Variants in SUSD3 observed in about 807,000 individuals in gnomAD.
The protein encoded by SUSD3 is sushi domain-containing protein 3.
A neutral mutation model predicts 20.6 loss-of-function variants in SUSD3; 18 were observed. That is an observed-to-expected ratio of 0.87 (90% CI 0.60 to 1.30). The LOEUF is 1.30. Among genes scored for constraint, SUSD3 ranks in the 50% most tolerant of loss-of-function variants. The probability of loss-of-function intolerance (pLI) is 0.00; values close to 1 mark genes in which losing one functional copy is unlikely to be tolerated. For missense variants in SUSD3, 306 were observed against 346.9 expected, an observed-to-expected ratio of 0.88 and a Z score of 0.94; for synonymous variants, 137 against 141.5, an observed-to-expected ratio of 0.97 and a Z score of 0.23.
At chr9:93,071,162 G>A (rs1222064679) in intron 1 of SUSD3, among the ~76,000 whole-genome samples, 1 of 152,194 alleles carries the variant, frequency 6.6e-6, no homozygotes, top group East Asian at 1.9e-4. Context: ...TCTCTAGAGG[G>A]ACTGGACTAA....
At chr9:93,066,800 C>G (rs557712687) in intron 1 of SUSD3, among the ~76,000 whole-genome samples, 1 of 151,960 alleles carries the variant, frequency 6.6e-6, no homozygotes, top group Non-Finnish European at 1.5e-5. Context: ...CCTCCGCCTC[C>G]CGGGTTCAAG....
At position 93,058,751 on chromosome 9, in the gene SUSD3, G is replaced by C; in HGVS notation, c.9G>C (p.Trp3Cys). ...GCCTCGGAGCGCGCAGGATGCGCTG[G>C]GCGGCCGCCACCCTCCGTGGCAAGG... The part of the protein sequence containing the change: MR[W>C]AAATLRGKAR... Residue 3 changes from tryptophan (W) to cysteine (C), a missense_variant, in exon 1 of 5, where the codon TGG (tryptophan) becomes TGC (cysteine). Physicochemically the swap from Trp to Cys is radical, Grantham distance 215. Coordinates refer to ENST00000375472, the MANE Select transcript of SUSD3 (RefSeq NM_145006.4). 1 of 1,235,986 alleles carries C rather than the reference G, an allele frequency of 8.1e-7. No homozygotes were observed. Among genetic ancestry groups the C allele is most frequent in the Non-Finnish European group, 1.0e-6 (1 of 989,736 alleles). 76.6% of individuals were successfully genotyped at this position (1,235,986 alleles called of 1,614,324 possible). A position where few individuals can be genotyped will look rare whatever the true frequency, so the allele number is the denominator to read the frequency against.
At chr9:93,058,945 G>C (rs1381723444) in intron 1 of SUSD3, 115 bp downstream of exon 1, 3 of 567,680 alleles carry the variant, frequency 5.3e-6, no homozygotes, top group African/African-American at 3.9e-5. Context: ...CCACAGCAAC[G>C]ATCTGCCCCG....
intron 2 of SUSD3, 70 bp from the exon 3 acceptor site, chr9:93,077,776 A>G: frequency 6.3e-7 from 1 of 1,580,296 alleles, no homozygotes; most frequent in Non-Finnish European, 8.6e-7. Flanking sequence ...CACCCCTGAG[A>G]CCCCCAACCC....
At chr9:93,074,616 CTTTTTT>C (rs989411910) in intron 1 of SUSD3, among the ~76,000 whole-genome samples, 1 of 96,368 alleles carries the variant, frequency 1.0e-5, no homozygotes, top group African/African-American at 4.6e-5. Context: ...GCAGCAGATT[CTTTTTT>C]TTTTTTTTTT....
At chr9:93,079,441 C>CA in intron 3 of SUSD3, 30 bp from the exon 4 acceptor site, 1 of 1,611,768 alleles carries the variant, frequency 6.2e-7, no homozygotes, top group Non-Finnish European at 8.5e-7. Context: ...CCTGCATGCT[C>CA]AGAGTCCTTC....
At chr9:93,066,074 A>G (rs1199022408) in intron 1 of SUSD3, among the ~76,000 whole-genome samples, 2 of 151,882 alleles carry the variant, frequency 1.3e-5, no homozygotes, top group Non-Finnish European at 2.9e-5. Flanking sequence ...CCTGCCCACC[A>G]TGCCCTCCAT....
At chr9:93,058,978 C>T in intron 1 of SUSD3, 148 bp downstream of exon 1, 1 of 460,708 alleles carries the variant, frequency 2.2e-6, no homozygotes. Flanking sequence ...CTCGACCCTC[C>T]GCCGGCCCAG....
intron 2 of SUSD3, 68 bp from the exon 3 acceptor site, chr9:93,077,778 C>T (rs1359970882): frequency 1.9e-6 from 3 of 1,590,418 alleles, no homozygotes; most frequent in Non-Finnish European, 2.6e-6. Flanking sequence ...CCCCTGAGAC[C>T]CCCAACCCCT....
In SUSD3 at chr9:93,075,307, C is replaced by T. The variant is rs144914013; in HGVS notation, c.89-477C>T. Among the ~76,000 whole-genome samples, 769 of 152,092 alleles carry T rather than the reference C, an allele frequency of 5.1e-3. 1 individual carries two copies. Among genetic ancestry groups the T allele is most frequent in the Non-Finnish European group, 8.3e-3 (564 of 67,978 alleles). On this transcript the variant is annotated intron_variant, in intron 1 of 4. Coordinates refer to ENST00000375472, the MANE Select transcript of SUSD3 (RefSeq NM_145006.4). ...CCTATGCTTTCCAAATATCCTTTCC[C>T]GAATTTTTCACCTGAGTTGGTTGTT... is the stretch of plus-strand genomic sequence containing the variant.
intron 1 of SUSD3, among the ~76,000 whole-genome samples, chr9:93,062,650 AGATG>A: frequency 6.6e-6 from 1 of 152,236 alleles, no homozygotes; most frequent in South Asian, 2.1e-4. Context: ...GACAGGGGAC[AGATG>A]GGATCTGCCT....
chr9:93,082,560 G>A (rs1237665212), intron 4 of SUSD3, among the ~76,000 whole-genome samples: 1 of 152,074 alleles, frequency 6.6e-6, no homozygotes, highest in Non-Finnish European at 1.5e-5. Flanking sequence ...CTCGTGATCT[G>A]CCCACCTCGG....
intron 4 of SUSD3, among the ~76,000 whole-genome samples, chr9:93,084,288 C>A (rs1319964402): frequency 6.6e-6 from 1 of 152,116 alleles, no homozygotes; most frequent in Non-Finnish European, 1.5e-5. Flanking sequence ...AAGTGTCTGA[C>A]TCCTGGGCCA....
chr9:93,068,725 G>C (rs1825808072), intron 1 of SUSD3, among the ~76,000 whole-genome samples: 1 of 152,190 alleles, frequency 6.6e-6, no homozygotes, highest in Non-Finnish European at 1.5e-5. Flanking sequence ...TTCTGATAGA[G>C]ATTTTGTTGA....
chr9:93,075,748 C>CCCCCCCCCCCCCCCCCCCT (rs1554748843), intron 1 of SUSD3, 36 bp from the exon 2 acceptor site: 1 of 202,414 alleles, frequency 4.9e-6, no homozygotes, highest in Non-Finnish European at 9.9e-6. Flanking sequence ...CCACCCCCCC[C>CCCCCCCCCCCCCCCCCCCT]CCCCCGCCAT....
At position 93,079,454 on chromosome 9, in the gene SUSD3, C is replaced by T; in HGVS notation, c.426-17C>T. On this transcript the variant is annotated splice_polypyrimidine_tract_variant and intron_variant, in intron 3 of 4. Coordinates refer to ENST00000375472, the MANE Select transcript of SUSD3 (RefSeq NM_145006.4). ...CACCTGCATGCTCAGAGTCCTTCCT[C>T]CCAAACTCTCCTCCAGGTCAGCCCA... 6.2e-7 allele frequency: 1 copy of T among 1,613,278 alleles called. No individual in the cohort carries two copies. Among genetic ancestry groups the T allele is most frequent in the Non-Finnish European group, 8.5e-7 (1 of 1,179,488 alleles).
chr9:93,077,649 A>T (rs1466145719), intron 2 of SUSD3, among the ~76,000 whole-genome samples, 197 bp from the exon 3 acceptor site: 3 of 151,942 alleles, frequency 2.0e-5, no homozygotes, highest in Non-Finnish European at 2.9e-5. Context: ...CCCACCTCCA[A>T]ATATAGTTTG....
At chr9:93,070,073 C>G (rs1825854872) in intron 1 of SUSD3, among the ~76,000 whole-genome samples, 1 of 152,218 alleles carries the variant, frequency 6.6e-6, no homozygotes, top group African/African-American at 2.4e-5. Context: ...GCCACCATGC[C>G]TGGCCGAGCC....
intron 1 of SUSD3, among the ~76,000 whole-genome samples, chr9:93,073,153 G>A (rs1825977605): frequency 6.6e-6 from 1 of 152,104 alleles, no homozygotes; most frequent in Non-Finnish European, 1.5e-5. Context: ...GACAGGCACA[G>A]AGATGCTCAG....
Sources: gnomAD v4.1 joint callset for allele counts (sites outside exome capture counted in the v4.1 genomes callset) on GRCh38, gnomAD v4.1.1 for gene constraint, MANE v1.5 for transcripts, NCBI Gene and HGNC (gene_info 2026-07-23, HGNC 2026-07-21) for gene names.